Variants in NPTXR observed in about 807,000 individuals in gnomAD.
NPTXR encodes neuronal pentraxin receptor.
In NPTXR, 12 loss-of-function variants were observed where a neutral mutation model predicts 32.2. The observed-to-expected ratio is 0.37, with a 90% CI of 0.24 to 0.60. NPTXR has a LOEUF of 0.60. Ranked by LOEUF, NPTXR falls within the 20% of genes least tolerant of loss-of-function variation. The pLI is 0.66. For missense variants in NPTXR, 612 were observed against 682.9 expected, an observed-to-expected ratio of 0.90 and a Z score of 1.16; for synonymous variants, 323 against 315.8, an observed-to-expected ratio of 1.02 and a Z score of -0.24.
At position 38,828,499 on chromosome 22, in the gene NPTXR, G is replaced by A. The variant is rs752354485; in HGVS notation, c.638C>T (p.Ala213Val). The A allele has an allele frequency of 4.4e-6, 7 of 1,599,686 alleles. No homozygotes were observed. In the South Asian group the frequency reaches 5.6e-5, roughly 13 times the overall value. ...TGGGGCAGCTGAGAGGTTCACACGG[G>A]CTGGAAGCTCCTGCTGTTCACAGGG... The change falls in exon 2 of 5, where the codon GCC becomes GTC. Residue 213 changes from alanine to valine, a missense_variant. Physicochemically the swap from Ala to Val is moderately conservative, Grantham distance 64. Coordinates refer to ENST00000333039, the MANE Select transcript of NPTXR (RefSeq NM_014293.4).
At position 38,843,219 on chromosome 22, in the gene NPTXR, G is replaced by C; in HGVS notation, c.624+16C>G. The C allele has an allele frequency of 3.1e-6, 4 of 1,308,424 alleles. No homozygotes were observed. Among genetic ancestry groups the C allele is most frequent in the Non-Finnish European group, 3.9e-6 (4 of 1,034,644 alleles). 81.1% of individuals were successfully genotyped at this position (1,308,424 alleles called of 1,614,324 possible). A position where few individuals can be genotyped will look rare whatever the true frequency, so the allele number is the denominator to read the frequency against. ...ACACCACCCGGGCGGCTCCCCCGAC[G>C]GCGCGCGGCGCTCACCTCCAGGCGG... On this transcript the variant is annotated intron_variant, in intron 1 of 4. Coordinates refer to ENST00000333039, the MANE Select transcript of NPTXR (RefSeq NM_014293.4). This position sits in a 1 kb window ranked among gnomAD's most constrained non-coding sequence, Gnocchi z 5.3.
chr22:38,843,173 A>C lies in NPTXR; in HGVS notation c.624+62T>G. The C allele has an allele frequency of 8.0e-7, 1 of 1,254,396 alleles. No homozygotes were observed. Among genetic ancestry groups the C allele is most frequent in the Non-Finnish European group, 1.0e-6 (1 of 998,882 alleles). The allele number at this position is 1,254,396 out of a possible 1,614,324, so 77.7% of individuals were successfully genotyped here. A position where few individuals can be genotyped will look rare whatever the true frequency, so the allele number is the denominator to read the frequency against. On this transcript the variant is annotated intron_variant, in intron 1 of 4. Coordinates refer to ENST00000333039, the MANE Select transcript of NPTXR (RefSeq NM_014293.4). This position sits in a 1 kb window ranked among gnomAD's most constrained non-coding sequence, Gnocchi z 5.3. The stretch of plus-strand genomic sequence containing the variant: ...CCGGAGGCTCGGGGACCGCCGGACG[A>C]CCGCGGCCGGGCGGCCCCTCACACC...
At position 38,843,682 on chromosome 22, in the gene NPTXR, C is replaced by G. The variant is rs180925984; in HGVS notation, c.177G>C (p.Leu59=). The G allele has an allele frequency of 0.023, 23,115 of 1,009,324 alleles. 359 individuals carry two copies. The highest frequency in any genetic ancestry group is 0.082 in the East Asian group (809 of 9,860). 62.5% of individuals were successfully genotyped at this position (1,009,324 alleles called of 1,614,324 possible). A position where few individuals can be genotyped will look rare whatever the true frequency, so the allele number is the denominator to read the frequency against. The change falls in exon 1 of 5, where the codon CTG becomes CTC. Residue 59 remains leucine (L), a synonymous_variant. Coordinates refer to ENST00000333039, the MANE Select transcript of NPTXR (RefSeq NM_014293.4). This position sits in a 1 kb window ranked among gnomAD's most constrained non-coding sequence, Gnocchi z 5.3. ...AACCGCCCGCGCCGTGCAGCGCGCTCAGGCTCCGCTGCGGGCCCGGGGACG... is the reference window on the plus strand; with the variant it reads ...AACCGCCCGCGCCGTGCAGCGCGCTGAGGCTCCGCTGCGGGCCCGGGGACG...
In NPTXR at chr22:38,834,925, G is replaced by A. The variant is rs568724452; in HGVS notation, c.625-6413C>T. Among the ~76,000 whole-genome samples, 533 of 152,350 alleles carry A rather than the reference G, an allele frequency of 3.5e-3. 4 individuals carry two copies. The highest frequency in any genetic ancestry group is 0.012 in the African/African-American group (498 of 41,572). ...ATTCTTTGCTGTTATTGAGAGGCAG[G>A]AGAGCATAATGTGTCATGGTGCAGG... On this transcript the variant is annotated intron_variant, in intron 1 of 4. Transcript: ENST00000333039. The surrounding 1 kb of genome is among the most constrained non-coding windows in gnomAD (Gnocchi z 4.4).
chr22:38,826,766 G>C lies in NPTXR; in HGVS notation c.851-19C>G, dbSNP rs117666549. 0.019 allele frequency: 30,753 copies of C among 1,605,102 alleles called. 472 individuals carry two copies. Among genetic ancestry groups the C allele is most frequent in the South Asian group, 0.05 (4,536 of 89,918 alleles). ...GAGGACCCTGAGGGTGGGCAAGGCA[G>C]ACATGGTGGAGGTCGGTGGACACCG... On this transcript the variant is annotated intron_variant, in intron 2 of 4. Transcript: ENST00000333039.
At chr22:38,841,831 ACCT>A (rs2093132092) in intron 1 of NPTXR, among the ~76,000 whole-genome samples, 2 of 152,100 alleles carry the variant, frequency 1.3e-5, no homozygotes, top group African/African-American at 4.8e-5. Context: ...GCATACTTTC[ACCT>A]TTTTCCTGAT....
rs1306555013 is a variant in NPTXR, at chr22:38,840,042, A to G, written c.624+3193T>C. On this transcript the variant is annotated intron_variant, in intron 1 of 4. Coordinates refer to ENST00000333039, the MANE Select transcript of NPTXR (RefSeq NM_014293.4). The stretch of plus-strand genomic sequence containing the variant: ...TTTATTTCAATGAACAACAATAACA[A>G]CACAAATAAAAATGGAAAAGAAGAC... Among the ~76,000 whole-genome samples the G allele has an allele frequency of 2.2e-4, 34 of 152,238 alleles. 1 individual carries two copies. The highest frequency in any genetic ancestry group is 2.2e-3 in the Admixed American group (34 of 15,286).
chr22:38,841,896 C>A (rs185898478), intron 1 of NPTXR, among the ~76,000 whole-genome samples: 64 of 152,278 alleles, frequency 4.2e-4, no homozygotes, highest in Admixed American at 8.5e-4. Context: ...GAGCTGGAGT[C>A]GGGGAAGAGG....
At chr22:38,832,827 C>A (rs1412086951) in intron 1 of NPTXR, among the ~76,000 whole-genome samples, 1 of 151,926 alleles carries the variant, frequency 6.6e-6, no homozygotes. Flanking sequence ...GTGCTGGTTG[C>A]CCTGCCTAAC....
At chr22:38,825,420 AG>A (rs1388369554) in intron 3 of NPTXR, among the ~76,000 whole-genome samples, 2 of 152,142 alleles carry the variant, frequency 1.3e-5, no homozygotes, top group African/African-American at 4.8e-5. Flanking sequence ...GGGAAGGTCA[AG>A]GGTAATAATG....
intron 3 of NPTXR, among the ~76,000 whole-genome samples, chr22:38,825,853 T>C (rs1031907266): frequency 1.3e-4 from 20 of 150,568 alleles, no homozygotes; most frequent in Non-Finnish European, 8.9e-5. Flanking sequence ...TTTTTTTTTT[T>C]TTTTTTTGAC....
chr22:38,828,395 C>T lies in NPTXR; in HGVS notation c.742G>A (p.Ala248Thr). 6.2e-7 allele frequency: 1 copy of T among 1,612,740 alleles called. No individual in the cohort carries two copies. The highest frequency in any genetic ancestry group is 8.5e-7 in the Non-Finnish European group (1 of 1,179,932). Reference sequence around the variant, plus strand: ...AGGGCCACACGCTCCTTCTCCAGTGCCAGCACCTGGGCCAGCAGCTGCCCC... The same window carrying T: ...AGGGCCACACGCTCCTTCTCCAGTGTCAGCACCTGGGCCAGCAGCTGCCCC... The change falls in exon 2 of 5, where the codon GCA becomes ACA. Residue 248 changes from alanine (A) to threonine (T), a missense_variant. Coordinates refer to ENST00000333039, the MANE Select transcript of NPTXR (RefSeq NM_014293.4).
At chr22:38,839,509 G>A (rs1290044808) in intron 1 of NPTXR, among the ~76,000 whole-genome samples, 1 of 152,324 alleles carries the variant, frequency 6.6e-6, no homozygotes, top group Non-Finnish European at 1.5e-5. Flanking sequence ...GCTGGGCGTG[G>A]TGGCACATGC....
chr22:38,834,578 C>T lies in NPTXR; in HGVS notation c.625-6066G>A, dbSNP rs147234812. Among the ~76,000 whole-genome samples, 682 of 134,112 alleles carry T rather than the reference C, an allele frequency of 5.1e-3. 5 individuals carry two copies. Among genetic ancestry groups the T allele is most frequent in the African/African-American group, 0.018 (652 of 35,272 alleles). 88.0% of individuals were successfully genotyped at this position (134,112 alleles called of 152,430 possible). A position where few individuals can be genotyped will look rare whatever the true frequency, so the allele number is the denominator to read the frequency against. On this transcript the variant is annotated intron_variant, in intron 1 of 4. Coordinates refer to ENST00000333039, the MANE Select transcript of NPTXR (RefSeq NM_014293.4). This position sits in a 1 kb window ranked among gnomAD's most constrained non-coding sequence, Gnocchi z 4.4. ...TTCTCTGGCAGGGCTGCAGAGCACTCATCCATCCATCCATCCATCCATCAT... is the reference window on the plus strand; with the variant it reads ...TTCTCTGGCAGGGCTGCAGAGCACTTATCCATCCATCCATCCATCCATCAT...
Position 38,843,504 on chromosome 22 carries a change from CGCCCGG to C in NPTXR, c.349_354del (p.Pro117_Gly118del), listed in dbSNP as rs2093134922. 1 of 1,283,126 alleles carries C rather than the reference CGCCCGG, an allele frequency of 7.8e-7. No individual in the cohort carries two copies. 79.5% of individuals were successfully genotyped at this position (1,283,126 alleles called of 1,614,324 possible). A position where few individuals can be genotyped will look rare whatever the true frequency, so the allele number is the denominator to read the frequency against. ...TGCAGCAGCAGCAGCTCTTCGCGCT[CGCCCGG>C]CGCAGCGCCCGCCGCGTCCCCCTGC... is the stretch of plus-strand genomic sequence containing the variant. On this transcript the variant is annotated inframe_deletion, in exon 1 of 5. Coordinates refer to ENST00000333039, the MANE Select transcript of NPTXR (RefSeq NM_014293.4). The surrounding 1 kb of genome is among the most constrained non-coding windows in gnomAD (Gnocchi z 5.3).
chr22:38,822,459 G>A lies in NPTXR; in HGVS notation c.*150C>T, dbSNP rs1390599399. 3 of 670,070 alleles carry A rather than the reference G, an allele frequency of 4.5e-6. No homozygotes were observed. Among genetic ancestry groups the A allele is most frequent in the African/African-American group, 3.6e-5 (2 of 55,524 alleles). 41.5% of individuals were successfully genotyped at this position (670,070 alleles called of 1,614,324 possible). ...CACTCGCAGGGCAGGGCATTCTGGA[G>A]GTGTGGGTACAGGTGAGGGGAAATG... On this transcript the variant is annotated 3_prime_UTR_variant, in exon 5 of 5. Coordinates refer to ENST00000333039, the MANE Select transcript of NPTXR (RefSeq NM_014293.4).
At position 38,822,555 on chromosome 22, in the gene NPTXR, C is replaced by T; in HGVS notation, c.*54G>A. On this transcript the variant is annotated 3_prime_UTR_variant, in exon 5 of 5. Transcript: ENST00000333039. Reference sequence around the variant, plus strand: ...GCAGGCTGAGGAGGGAATATGACCCCCCTCAAGTCCCCAAAGTGGCAGGCA... The same window carrying T: ...GCAGGCTGAGGAGGGAATATGACCCTCCTCAAGTCCCCAAAGTGGCAGGCA... 6.7e-7 allele frequency: 1 copy of T among 1,489,864 alleles called. No homozygotes were observed. Among genetic ancestry groups the T allele is most frequent in the African/African-American group, 1.4e-5 (1 of 72,356 alleles). The allele number at this position is 1,489,864 out of a possible 1,614,324, so 92.3% of individuals were successfully genotyped here.
intron 1 of NPTXR, among the ~76,000 whole-genome samples, chr22:38,839,363 G>A (rs1243291424): frequency 6.6e-6 from 1 of 152,186 alleles, no homozygotes; most frequent in African/African-American, 2.4e-5. Flanking sequence ...AGTCAATATT[G>A]GCCAGGCACA....
intron 1 of NPTXR, among the ~76,000 whole-genome samples, chr22:38,842,950 C>G (rs558085301): frequency 8.1e-4 from 123 of 152,372 alleles, no homozygotes; most frequent in Admixed American, 3.0e-3. Flanking sequence ...CAAGTGGACA[C>G]TGTTATACCT....
Sources: allele counts gnomAD v4.1 joint callset (sites outside exome capture counted in the v4.1 genomes callset), GRCh38; gene constraint gnomAD v4.1.1; non-coding constraint Gnocchi (gnomAD v3.1); transcripts MANE v1.5; gene names NCBI Gene and HGNC (gene_info 2026-07-23, HGNC 2026-07-21).